Variants in PARP4 observed in about 807,000 individuals in gnomAD.
The protein encoded by PARP4 is poly(ADP-ribose) polymerase family member 4.
Under a neutral mutation model 187.7 loss-of-function variants are expected in PARP4, and 120 were observed. The observed-to-expected ratio is 0.64, with a 90% confidence interval of 0.55 to 0.74. The LOEUF (loss-of-function observed/expected upper bound fraction) is 0.74, where lower values mean the gene tolerates loss of function less well. Among genes scored for constraint, PARP4 ranks in the 30% least tolerant of loss-of-function variants. PARP4 has a pLI of 0.00. For synonymous variants in PARP4, 654 were observed against 740.9 expected (o/e 0.88, Z 1.90); for missense variants, 1,836 against 2,070.5 (o/e 0.89, Z 2.20).
chr13:24,439,310 G>C (rs1260325099), intron 30 of PARP4, among the ~76,000 whole-genome samples: 1 of 130,820 alleles, frequency 7.6e-6, no homozygotes, highest in African/African-American at 2.9e-5. Context: ...CTGGGCAACA[G>C]AGTAAGACCC....
intron 29 of PARP4, among the ~76,000 whole-genome samples, chr13:24,442,351 A>T (rs1332643590): frequency 1.3e-5 from 2 of 152,300 alleles, no homozygotes; most frequent in Non-Finnish European, 2.9e-5. Context: ...CCAATTGTTA[A>T]TAATAACATT....
chr13:24,496,670 G>A (rs1245634917), intron 6 of PARP4, among the ~76,000 whole-genome samples: 1 of 152,134 alleles, frequency 6.6e-6, no homozygotes, highest in Non-Finnish European at 1.5e-5. Flanking sequence ...AAAGCTCCTG[G>A]AGCCTGTGTG....
chr13:24,458,366 C>T (rs1871999666), intron 20 of PARP4, among the ~76,000 whole-genome samples: 1 of 152,006 alleles, frequency 6.6e-6, no homozygotes, highest in East Asian at 1.9e-4. Flanking sequence ...ACCTCAGCCT[C>T]CCAAAGTGCT....
At chr13:24,446,538 G>T in intron 27 of PARP4, 143 bp downstream of exon 27, 1 of 610,804 alleles carries the variant, frequency 1.6e-6, no homozygotes, top group Non-Finnish European at 2.9e-6. Context: ...AATGTTTTAA[G>T]AAAGTTTACG....
Position 24,429,356 on chromosome 13 carries a change from T to C in PARP4, c.4846+2021A>G, listed in dbSNP as rs192115096. 2.8e-3 allele frequency among the ~76,000 whole-genome samples: 421 copies of C among 152,310 alleles called. 2 individuals are homozygous for C. Among genetic ancestry groups the C allele is most frequent in the Non-Finnish European group, 4.0e-3 (270 of 68,028 alleles). On this transcript the variant is annotated intron_variant, in intron 32 of 33. Coordinates refer to ENST00000381989, the MANE Select transcript of PARP4 (RefSeq NM_006437.4). ...CCCATTTTCCCCTTGATCATGATCA[T>C]ATTGTCCTGCTTCTTCGTATGTTAT...
chr13:24,475,330 T>G (rs1872930034), intron 15 of PARP4, 142 bp downstream of exon 15: 2 of 775,638 alleles, frequency 2.6e-6, no homozygotes, highest in South Asian at 3.6e-5. Context: ...GTCCCTGGCA[T>G]GGAGTGCTCA....
intron 11 of PARP4, among the ~76,000 whole-genome samples, chr13:24,485,677 ACT>A (rs1359208327): frequency 6.6e-6 from 1 of 152,130 alleles, no homozygotes; most frequent in Non-Finnish European, 1.5e-5. Flanking sequence ...CAAATAAACA[ACT>A]CATGTTGTCT....
intron 32 of PARP4, among the ~76,000 whole-genome samples, chr13:24,428,141 GA>G (rs1271812090): frequency 2.6e-5 from 4 of 152,162 alleles, no homozygotes; most frequent in Non-Finnish European, 5.9e-5. Flanking sequence ...CACGCTTACA[GA>G]AAAATAACAC....
At chr13:24,458,011 T>C (rs1871975866) in intron 20 of PARP4, among the ~76,000 whole-genome samples, 2 of 151,930 alleles carry the variant, frequency 1.3e-5, no homozygotes, top group African/African-American at 4.8e-5. Context: ...AGCTCACACC[T>C]GTCATTCTAG....
In PARP4 at chr13:24,500,362, A is replaced by C; in HGVS notation, c.355T>G (p.Cys119Gly). 1.9e-6 allele frequency: 3 copies of C among 1,604,094 alleles called. No homozygotes were observed. The highest frequency in any genetic ancestry group is 2.6e-6 in the Non-Finnish European group (3 of 1,174,342). Residue 119 changes from cysteine to glycine, a missense_variant, in exon 4 of 34, where the codon TGC (cysteine) becomes GGC (glycine). This residue lies in a region of PARP4 where 1,147 missense variants were observed against 1,214.2 expected (regional missense o/e 0.94). Transcript: ENST00000381989. The stretch of plus-strand genomic sequence containing the variant: ...TCCTCCTCTGTGGCACTGTCCGGGC[A>C]TAGACCTTCTGTTTTCACTTCTAGA... ...SSSEVKTEGL[C>G]PDSATEEEDT...
intron 33 of PARP4, among the ~76,000 whole-genome samples, chr13:24,424,232 T>A (rs1307082388): frequency 2.6e-5 from 4 of 152,186 alleles, no homozygotes; most frequent in African/African-American, 9.6e-5. Context: ...CCAGGTAGTG[T>A]TTAATTTTTC....
At chr13:24,482,815 C>T (rs1309473853) in intron 12 of PARP4, among the ~76,000 whole-genome samples, 2 of 152,092 alleles carry the variant, frequency 1.3e-5, no homozygotes, top group Non-Finnish European at 2.9e-5. Context: ...CCAAGGTATG[C>T]CTGTATAAGG....
chr13:24,479,186 C>T (rs1423181181), intron 12 of PARP4, among the ~76,000 whole-genome samples: 2 of 152,178 alleles, frequency 1.3e-5, no homozygotes, highest in Admixed American at 6.5e-5. Flanking sequence ...TTTGGAGACG[C>T]ATGTCTGTTT....
chr13:24,496,106 G>A (rs987223848), intron 6 of PARP4, among the ~76,000 whole-genome samples: 2 of 151,880 alleles, frequency 1.3e-5, no homozygotes, highest in African/African-American at 2.4e-5. Context: ...ACTCGGGCTT[G>A]CTAAGGGAGG....
intron 12 of PARP4, among the ~76,000 whole-genome samples, chr13:24,481,419 G>A (rs1444220664): frequency 2.6e-5 from 4 of 152,198 alleles, no homozygotes; most frequent in South Asian, 2.1e-4. Flanking sequence ...TGGGCTGGGC[G>A]TGGTGGCTCA....
Position 24,503,742 on chromosome 13 carries a change from C to T in PARP4, c.35G>A (p.Cys12Tyr). Residue 12 changes from cysteine (C) to tyrosine (Y), a missense_variant, in exon 2 of 34, where the codon TGT (cysteine) becomes TAT (tyrosine). Transcript: ENST00000381989. ...VMGIFANCIFCLKVKYLPQQQ... is the reference protein window; with the variant it reads ...VMGIFANCIFYLKVKYLPQQQ... ...CTGAGGTAAGTACTTCACTTTCAAA[C>T]AGAAGATACAATTTGCAAAGATTCC... 6.2e-7 allele frequency: 1 copy of T among 1,614,068 alleles called. No individual in the cohort carries two copies. Among genetic ancestry groups the T allele is most frequent in the African/African-American group, 1.3e-5 (1 of 75,026 alleles).
chr13:24,503,858 G>A (rs1326774535), intron 1 of PARP4, 81 bp from the exon 2 acceptor site: 2 of 1,196,108 alleles, frequency 1.7e-6, no homozygotes, highest in African/African-American at 3.1e-5. Context: ...AGCAAACTGT[G>A]GGAAAATTGG....
rs762966529 is a variant in PARP4 at position 24,452,596 on chromosome 13, G to A, written c.2827-3C>T. ...TTCCCCATGGTAGGTGTGGCAGACTGGAGGAAATGAAGTGAAAGATTATGT... is the reference window on the plus strand; with the variant it reads ...TTCCCCATGGTAGGTGTGGCAGACTAGAGGAAATGAAGTGAAAGATTATGT... On this transcript the variant is annotated splice_polypyrimidine_tract_variant and splice_region_variant and intron_variant, in intron 23 of 33. Coordinates refer to ENST00000381989, the MANE Select transcript of PARP4 (RefSeq NM_006437.4). 5 of 1,608,154 alleles carry A rather than the reference G, an allele frequency of 3.1e-6. No individual in the cohort carries two copies. In the East Asian group the frequency reaches 1.1e-4, roughly 36 times the overall value.
At position 24,456,289 on chromosome 13, in the gene PARP4, C is replaced by A; in HGVS notation, c.2562+52G>T. On this transcript the variant is annotated intron_variant, in intron 21 of 33. Transcript: ENST00000381989. Reference sequence around the variant, plus strand: ...AATTTGCAAGTTTAACCAGCTTATTCTGAAACATTTTTTCAATAGTGTCTC... The same window carrying A: ...AATTTGCAAGTTTAACCAGCTTATTATGAAACATTTTTTCAATAGTGTCTC... 3 of 1,459,700 alleles carry A rather than the reference C, an allele frequency of 2.1e-6. No homozygotes were observed. In the South Asian group the frequency reaches 4.1e-5, roughly 20 times the overall value. 90.4% of individuals were successfully genotyped at this position (1,459,700 alleles called of 1,614,324 possible). A position where few individuals can be genotyped will look rare whatever the true frequency, so the allele number is the denominator to read the frequency against.
Sources: allele counts gnomAD v4.1 joint callset (sites outside exome capture counted in the v4.1 genomes callset), GRCh38; gene constraint gnomAD v4.1.1; regional missense constraint gnomAD v4.1.1; transcripts MANE v1.5; gene names NCBI Gene and HGNC (gene_info 2026-07-23, HGNC 2026-07-21).